The following EPHA5 variants were observed in gnomAD, a reference collection of about 807,000 sequenced individuals.
EPHA5 encodes the protein EPH receptor A5, also known as ephrin type-A receptor 5.
Under a neutral mutation model 105.0 loss-of-function variants are expected in EPHA5, and 60 were observed. That is an observed-to-expected ratio of 0.57 (90% CI 0.46 to 0.71). The LOEUF is 0.71. EPHA5 is among the 30% of genes least tolerant of loss of function. The pLI, the probability that EPHA5 is intolerant of heterozygous loss-of-function variation, is 0.00. For missense variants in EPHA5, 1,218 were observed against 1,274.7 expected (o/e 0.96, Z 0.68); for synonymous variants, 513 against 449.1 (o/e 1.14, Z -1.80).
chr4:65,507,222 C>T (rs992778469), intron 3 of EPHA5, among the ~76,000 whole-genome samples: 4 of 151,960 alleles, frequency 2.6e-5, no homozygotes, highest in African/African-American at 9.7e-5. Context: ...TTCCATTGGT[C>T]TATATCTCTG....
intron 5 of EPHA5, among the ~76,000 whole-genome samples, chr4:65,463,754 T>G (rs2149136469): frequency 6.6e-6 from 1 of 152,256 alleles, no homozygotes; most frequent in South Asian, 2.1e-4. Flanking sequence ...GTTATTTTTT[T>G]GCACAATATT....
intron 5 of EPHA5, among the ~76,000 whole-genome samples, chr4:65,435,423 G>C (rs1218335438): frequency 1.3e-5 from 2 of 151,956 alleles, no homozygotes; most frequent in East Asian, 1.9e-4. Flanking sequence ...ATCTTCAAAG[G>C]ATTCTTTTAA....
At chr4:65,495,632 G>T in intron 3 of EPHA5, 89 bp from the exon 4 acceptor site, 1 of 1,065,314 alleles carries the variant, frequency 9.4e-7, no homozygotes, top group Non-Finnish European at 1.3e-6. Flanking sequence ...ACTTGTATAT[G>T]CAGATTACAG....
At chr4:65,577,084 G>A (rs1271580861) in intron 3 of EPHA5, among the ~76,000 whole-genome samples, 2 of 152,134 alleles carry the variant, frequency 1.3e-5, no homozygotes, top group Admixed American at 6.5e-5. Context: ...TCCAACCAAA[G>A]AAAGAAGAGT....
chr4:65,601,273 A>T (rs1270182189), intron 3 of EPHA5, among the ~76,000 whole-genome samples: 1 of 152,200 alleles, frequency 6.6e-6, no homozygotes, highest in Non-Finnish European at 1.5e-5. Flanking sequence ...GCAAATAAAG[A>T]GTAGAAAATA....
At chr4:65,622,034 T>C (rs1314837415) in intron 2 of EPHA5, among the ~76,000 whole-genome samples, 1 of 152,154 alleles carries the variant, frequency 6.6e-6, no homozygotes, top group African/African-American at 2.4e-5. Flanking sequence ...GTTTAAGTAG[T>C]ATGATTAAAA....
In EPHA5 at chr4:65,436,384, C is replaced by A. The variant is rs527884212; in HGVS notation, c.1403-15819G>T. ...CACACACACAAAATGTAACTAACAT[C>A]TATTAATTCACAATTTCTCGAGACA... On this transcript the variant is annotated intron_variant, in intron 5 of 16. Coordinates refer to ENST00000613740, the MANE Select transcript of EPHA5 (RefSeq NM_001281766.3). 8.6e-5 allele frequency among the ~76,000 whole-genome samples: 13 copies of A among 151,826 alleles called. No homozygotes were observed. In the South Asian group the frequency reaches 1.7e-3, roughly 19 times the overall value.
At chr4:65,558,198 C>A (rs1463083242) in intron 3 of EPHA5, among the ~76,000 whole-genome samples, 1 of 151,982 alleles carries the variant, frequency 6.6e-6, no homozygotes, top group African/African-American at 2.4e-5. Flanking sequence ...ATCTGTAGTA[C>A]TCAGAAAATT....
chr4:65,542,398 C>A (rs1000034087), intron 3 of EPHA5, among the ~76,000 whole-genome samples: 6 of 151,988 alleles, frequency 3.9e-5, no homozygotes, highest in African/African-American at 1.4e-4. Flanking sequence ...GCTATCACCA[C>A]TGACCCCACA....
chr4:65,371,492 C>A (rs979636750), intron 8 of EPHA5, among the ~76,000 whole-genome samples: 1 of 151,876 alleles, frequency 6.6e-6, no homozygotes, highest in East Asian at 1.9e-4. Flanking sequence ...GTTATAATAA[C>A]AAATTTGGAT....
intron 5 of EPHA5, among the ~76,000 whole-genome samples, chr4:65,441,817 A>C (rs1007607813): frequency 6.6e-6 from 1 of 152,160 alleles, no homozygotes; most frequent in Non-Finnish European, 1.5e-5. Context: ...ATCTAAGCTA[A>C]ATAGAATAAT....
At chr4:65,345,188 C>T (rs550756730) in intron 14 of EPHA5, among the ~76,000 whole-genome samples, 1 of 152,150 alleles carries the variant, frequency 6.6e-6, no homozygotes, top group South Asian at 2.1e-4. Flanking sequence ...CAATATATAC[C>T]ATTTTCCCAG....
chr4:65,669,507 C>G (rs1750264284), intron 1 of EPHA5, 55 bp downstream of exon 1: 1 of 1,307,690 alleles, frequency 7.6e-7, no homozygotes, highest in East Asian at 2.9e-5. Flanking sequence ...AACTCCCAGG[C>G]CCCGCCTAGC....
At chr4:65,456,697 T>TGGAAA (rs1337079635) in intron 5 of EPHA5, among the ~76,000 whole-genome samples, 2 of 146,228 alleles carry the variant, frequency 1.4e-5, no homozygotes, top group Non-Finnish European at 3.0e-5. Flanking sequence ...CAGTTGTAAG[T>TGGAAA]GGAAAAATCA....
rs375878596 is a variant in EPHA5 at position 65,495,496 on chromosome 4, C to A, written c.958G>T (p.Gly320Cys). The change falls in exon 4 of 17, where the codon GGC becomes TGC. Residue 320 changes from glycine to cysteine, a missense_variant. Gly to Cys is a radical substitution (Grantham distance 159, BLOSUM62 -3). Coordinates refer to ENST00000613740, the MANE Select transcript of EPHA5 (RefSeq NM_001281766.3). ...FKASPHIQSC[G>C]KCPPHSYTHE... ...GTATAACTGTGAGGTGGACATTTGCCGCAGCTCTGGATGTGAGGTGAGGCT... is the reference window on the plus strand; with the variant it reads ...GTATAACTGTGAGGTGGACATTTGCAGCAGCTCTGGATGTGAGGTGAGGCT... 6.2e-7 allele frequency: 1 copy of A among 1,613,678 alleles called. No homozygotes were observed. The highest frequency in any genetic ancestry group is 1.3e-5 in the African/African-American group (1 of 74,888).
intron 8 of EPHA5, among the ~76,000 whole-genome samples, chr4:65,391,249 A>G (rs753135404): frequency 1.3e-5 from 2 of 152,128 alleles, no homozygotes; most frequent in Non-Finnish European, 2.9e-5. Context: ...AAGCCTAACC[A>G]TATCACTTGA....
intron 8 of EPHA5, among the ~76,000 whole-genome samples, chr4:65,376,337 T>C (rs543390615): frequency 1.3e-5 from 2 of 152,182 alleles, no homozygotes; most frequent in Non-Finnish European, 2.9e-5. Flanking sequence ...GGAGTTCCAA[T>C]ACATCTGTGA....
At chr4:65,455,125 T>C (rs2149116174) in intron 5 of EPHA5, among the ~76,000 whole-genome samples, 1 of 151,728 alleles carries the variant, frequency 6.6e-6, no homozygotes, top group African/African-American at 2.4e-5. Context: ...CCCAGCTACT[T>C]GGGAGGCTGA....
intron 11 of EPHA5, among the ~76,000 whole-genome samples, chr4:65,364,612 A>G (rs1392290346): frequency 6.6e-6 from 1 of 151,594 alleles, no homozygotes; most frequent in Admixed American, 6.6e-5. Context: ...GGCCATAAAG[A>G]ACTGCTTAAA....
Sources: gnomAD v4.1 joint callset for allele counts (sites outside exome capture counted in the v4.1 genomes callset) on GRCh38, gnomAD v4.1.1 for gene constraint, MANE v1.5 for transcripts, NCBI Gene and HGNC (gene_info 2026-07-23, HGNC 2026-07-21) for gene names.